ATP8B1: variants seen among roughly 807,000 people sequenced by gnomAD.
ATP8B1 encodes the protein phospholipid-transporting ATPase IC.
In ATP8B1, 80 loss-of-function variants were observed where a neutral mutation model predicts 149.9. The observed-to-expected ratio is 0.53, with a 90% CI of 0.45 to 0.64. The LOEUF (loss-of-function observed/expected upper bound fraction) is 0.64, where lower values mean the gene tolerates loss of function less well. Ranked by LOEUF, ATP8B1 falls within the 30% of genes least tolerant of loss-of-function variation. The pLI is 0.00. For synonymous variants in ATP8B1, 536 were observed against 562.8 expected, an observed-to-expected ratio of 0.95 and a Z score of 0.67; for missense variants, 1,247 against 1,552.6, an observed-to-expected ratio of 0.80 and a Z score of 3.31.
chr18:57,768,206 T>A (rs2080230812), intron 1 of ATP8B1, among the ~76,000 whole-genome samples: 1 of 151,194 alleles, frequency 6.6e-6, no homozygotes, highest in African/African-American at 2.4e-5. Context: ...GCCAACATAG[T>A]GAAACCCCAT....
intron 16 of ATP8B1, among the ~76,000 whole-genome samples, chr18:57,672,968 C>T (rs369824534): frequency 0.27 from 9,169 of 33,662 alleles, 1,623 homozygotes; most frequent in Middle Eastern, 0.52. Context: ...CATATATCTA[C>T]ATATATACAC....
intron 2 of ATP8B1, among the ~76,000 whole-genome samples, chr18:57,716,408 G>A (rs1448563649): frequency 2.7e-5 from 4 of 150,384 alleles, no homozygotes; most frequent in Non-Finnish European, 5.9e-5. Flanking sequence ...TAGAGTGGCT[G>A]AATAGATTTA....
Position 57,701,099 on chromosome 18 carries a change from G to A in ATP8B1, c.494C>T (p.Ala165Val), listed in dbSNP as rs886054014. Residue 165 changes from alanine (A) to valine (V), a missense_variant and splice_region_variant, in exon 6 of 28, where the codon GCT becomes GTT. Ala to Val is a moderately conservative substitution (Grantham distance 64, BLOSUM62 0). Around this residue, in one of 3 missense-constraint regions of ATP8B1, gnomAD observed 853 missense variants for 1,035.7 expected, o/e 0.82. Coordinates refer to ENST00000648908, the MANE Select transcript of ATP8B1 (RefSeq NM_001374385.1). ...TAIKDLVDDV[A>V]RHKMDKEINN... ...GATTTCCTTATCCATTTTATGGCGAGCCTTGAGAAGGAAGATGGGGAAATG... is the reference window on the plus strand; with the variant it reads ...GATTTCCTTATCCATTTTATGGCGAACCTTGAGAAGGAAGATGGGGAAATG... 3 of 1,613,982 alleles carry A rather than the reference G, an allele frequency of 1.9e-6. No individual in the cohort carries two copies. Among genetic ancestry groups the A allele is most frequent in the African/African-American group, 2.7e-5 (2 of 74,904 alleles).
rs568555709 is a variant in ATP8B1 at position 57,731,438 on chromosome 18, C to T, written c.181+189G>A. ...GAACTTGTCAGATATGCTCTCCCAG[C>T]CCTTCTTACTAAGGACAATGGGTAC... On this transcript the variant is annotated intron_variant, in intron 2 of 27. Transcript: ENST00000648908. The T allele has an allele frequency of 3.1e-5, 20 of 649,516 alleles. No homozygotes were observed. The African/African-American group carries it at 3.4e-4, about 11-fold the overall frequency. The allele number at this position is 649,516 out of a possible 1,614,324, so 40.2% of individuals were successfully genotyped here. A position where few individuals can be genotyped will look rare whatever the true frequency, so the allele number is the denominator to read the frequency against.
intron 2 of ATP8B1, among the ~76,000 whole-genome samples, chr18:57,707,779 T>C (rs1337163332): frequency 1.3e-5 from 2 of 150,796 alleles, no homozygotes; most frequent in Non-Finnish European, 1.5e-5. Context: ...AGTCCTGGGA[T>C]TACAGGCGTG....
At chr18:57,719,026 T>G (rs753137914) in intron 2 of ATP8B1, among the ~76,000 whole-genome samples, 1 of 152,122 alleles carries the variant, frequency 6.6e-6, no homozygotes, top group Non-Finnish European at 1.5e-5. Flanking sequence ...GAGAAAGAAA[T>G]AAACGGCATC....
intron 2 of ATP8B1, among the ~76,000 whole-genome samples, chr18:57,714,616 A>G (rs1408731325): frequency 7.9e-6 from 1 of 126,668 alleles, no homozygotes; most frequent in African/African-American, 2.6e-5. Flanking sequence ...GAGAAAGAGC[A>G]AAAAAAGAGA....
At chr18:57,696,592 T>A (rs554858375) in intron 8 of ATP8B1, among the ~76,000 whole-genome samples, 2 of 150,088 alleles carry the variant, frequency 1.3e-5, no homozygotes, top group African/African-American at 4.9e-5. Flanking sequence ...GTCAATTGCC[T>A]GATCTATGAA....
chr18:57,778,916 C>T (rs1224181781), intron 1 of ATP8B1, among the ~76,000 whole-genome samples: 1 of 152,104 alleles, frequency 6.6e-6, no homozygotes, highest in Non-Finnish European at 1.5e-5. Context: ...GAGAGGATTT[C>T]CCAGAAACAG....
At chr18:57,704,802 G>A in intron 3 of ATP8B1, 134 bp from the exon 4 acceptor site, 3 of 701,314 alleles carry the variant, frequency 4.3e-6, no homozygotes, top group Non-Finnish European at 7.6e-6. Flanking sequence ...TGAGGATTTT[G>A]TCTGGGTGCG....
chr18:57,668,052 G>C, intron 19 of ATP8B1: 1 of 1,256,872 alleles, frequency 8.0e-7, no homozygotes, highest in Non-Finnish European at 1.0e-6. Context: ...GAAAACCAAA[G>C]TTATTGTTCA....
At chr18:57,750,899 G>A (rs906717056) in intron 1 of ATP8B1, among the ~76,000 whole-genome samples, 10 of 152,038 alleles carry the variant, frequency 6.6e-5, no homozygotes, top group African/African-American at 1.7e-4. Flanking sequence ...CGGGTGGATC[G>A]CTTGAGACCA....
intron 1 of ATP8B1, among the ~76,000 whole-genome samples, chr18:57,759,155 C>CAAAAAAAAAAAAAAAAAAAA (rs566728161): frequency 7.6e-4 from 81 of 106,272 alleles, no homozygotes; most frequent in South Asian, 3.8e-3. Context: ...GATTCCATCT[C>CAAAAAAAAAAAAAAAAAAAA]AAAAAAAAAA....
chr18:57,770,034 A>G (rs944706787), intron 1 of ATP8B1, among the ~76,000 whole-genome samples: 1 of 151,416 alleles, frequency 6.6e-6, no homozygotes, highest in Non-Finnish European at 1.5e-5. Flanking sequence ...CATCCTGCTC[A>G]TAAAACCCTC....
chr18:57,789,621 A>G (rs1017934944), intron 1 of ATP8B1, among the ~76,000 whole-genome samples: 5 of 152,214 alleles, frequency 3.3e-5, no homozygotes, highest in Admixed American at 6.5e-5. Flanking sequence ...GCAAGTTCCT[A>G]TACCATACAA....
chr18:57,744,453 C>T (rs1479786752), intron 1 of ATP8B1, among the ~76,000 whole-genome samples: 1 of 151,940 alleles, frequency 6.6e-6, no homozygotes, highest in Admixed American at 6.6e-5. Flanking sequence ...AAGACTGGGG[C>T]TGGTTCCCAT....
At chr18:57,667,385 G>A in intron 19 of ATP8B1, 1 of 531,048 alleles carries the variant, frequency 1.9e-6, no homozygotes, top group African/African-American at 1.9e-5. Flanking sequence ...TCGCTGCCAA[G>A]CCACCAAACA....
At chr18:57,738,293 C>A (rs2079878718) in intron 1 of ATP8B1, among the ~76,000 whole-genome samples, 1 of 152,146 alleles carries the variant, frequency 6.6e-6, no homozygotes, top group South Asian at 2.1e-4. Context: ...TGACTGACTG[C>A]CAGAGTTTCG....
In ATP8B1 at chr18:57,688,512, G is replaced by C; in HGVS notation, c.1221-5C>G. Reference sequence around the variant, plus strand: ...CCAAGACGAATCACTTCCACGCTAGGAAGACAGAAGATTATTTTCCGTAGA... The same window carrying C: ...CCAAGACGAATCACTTCCACGCTAGCAAGACAGAAGATTATTTTCCGTAGA... On this transcript the variant is annotated splice_region_variant and splice_polypyrimidine_tract_variant and intron_variant, in intron 12 of 27. Coordinates refer to ENST00000648908, the MANE Select transcript of ATP8B1 (RefSeq NM_001374385.1). 3.1e-6 allele frequency: 5 copies of C among 1,613,972 alleles called. No homozygotes were observed. Among genetic ancestry groups the C allele is most frequent in the Non-Finnish European group, 4.2e-6 (5 of 1,179,852 alleles).
Sources: gnomAD v4.1 joint callset for allele counts (sites outside exome capture counted in the v4.1 genomes callset) on GRCh38, gnomAD v4.1.1 for gene constraint, gnomAD v4.1.1 regional missense constraint, MANE v1.5 for transcripts, NCBI Gene and HGNC (gene_info 2026-07-23, HGNC 2026-07-21) for gene names.